Variants in AK5 observed in about 807,000 individuals in gnomAD.
AK5 encodes the protein adenylate kinase 5.
In AK5, 27 loss-of-function variants were observed where a neutral mutation model predicts 69.5. The ratio of observed to expected loss-of-function variants is 0.39; its 90% confidence interval spans 0.29 to 0.54. The LOEUF is 0.54. Ranked by LOEUF, AK5 falls within the 20% of genes least tolerant of loss-of-function variation. AK5 has a pLI of 0.71. For synonymous variants in AK5, 260 were observed against 244.4 expected, an observed-to-expected ratio of 1.06 and a Z score of -0.60; for missense variants, 531 against 700.4, an observed-to-expected ratio of 0.76 and a Z score of 2.73.
At chr1:77,506,683 C>T (rs1383113629) in intron 10 of AK5, among the ~76,000 whole-genome samples, 2 of 152,120 alleles carry the variant, frequency 1.3e-5, no homozygotes, top group East Asian at 1.9e-4. Flanking sequence ...TAGATGAAAT[C>T]ACATCCCTAA....
intron 7 of AK5, among the ~76,000 whole-genome samples, chr1:77,416,680 A>G (rs1198786930): frequency 1.3e-5 from 2 of 152,206 alleles, no homozygotes; most frequent in African/African-American, 2.4e-5. Flanking sequence ...GAAAGAAAAT[A>G]TGAAAGCAAC....
intron 13 of AK5, among the ~76,000 whole-genome samples, chr1:77,542,465 G>T (rs905047454): frequency 9.2e-5 from 14 of 152,178 alleles, no homozygotes; most frequent in Non-Finnish European, 1.9e-4. Context: ...TTTGAATTAG[G>T]ACCTGACTGA....
In AK5 at chr1:77,516,104, TA is replaced by T. The variant is rs898009866; in HGVS notation, c.1148-2453del. Among the ~76,000 whole-genome samples the T allele has an allele frequency of 9.5e-4, 145 of 151,852 alleles. 3 individuals carry two copies. The highest frequency in any genetic ancestry group is 9.5e-3 in the Admixed American group (144 of 15,236). On this transcript the variant is annotated intron_variant, in intron 10 of 13. Coordinates refer to ENST00000354567, the MANE Select transcript of AK5 (RefSeq NM_174858.3). Reference sequence around the variant, plus strand: ...AAGAAAGAAAGAAAAGATGAATGGGTAAAAAAATGTGCTAGAATATAGAATA... The same window carrying T: ...AAGAAAGAAAGAAAAGATGAATGGGTAAAAAATGTGCTAGAATATAGAATA...
At chr1:77,312,933 T>C (rs1660044659) in intron 5 of AK5, among the ~76,000 whole-genome samples, 1 of 152,088 alleles carries the variant, frequency 6.6e-6, no homozygotes, top group African/African-American at 2.4e-5. Context: ...TAAGAACCTA[T>C]GCAGACCTTC....
chr1:77,374,004 A>G (rs901965068), intron 6 of AK5, among the ~76,000 whole-genome samples: 1 of 152,208 alleles, frequency 6.6e-6, no homozygotes, highest in Non-Finnish European at 1.5e-5. Flanking sequence ...TTCAGCCCAT[A>G]AAATACATAT....
intron 6 of AK5, among the ~76,000 whole-genome samples, chr1:77,407,857 C>T (rs1413349172): frequency 6.6e-6 from 1 of 152,102 alleles, no homozygotes; most frequent in African/African-American, 2.4e-5. Flanking sequence ...TGTTTAGCTT[C>T]CACTTATAAG....
At chr1:77,472,493 ACCCATAC>A (rs1654575760) in intron 8 of AK5, among the ~76,000 whole-genome samples, 1 of 151,882 alleles carries the variant, frequency 6.6e-6, no homozygotes, top group Non-Finnish European at 1.5e-5. Context: ...TTGGTCACAG[ACCCATAC>A]CCATAATGCA....
At chr1:77,363,843 C>G (rs1395584943) in intron 6 of AK5, among the ~76,000 whole-genome samples, 1 of 152,196 alleles carries the variant, frequency 6.6e-6, no homozygotes, top group Non-Finnish European at 1.5e-5. Flanking sequence ...TAACCACACT[C>G]CTGATCCTTC....
intron 10 of AK5, among the ~76,000 whole-genome samples, chr1:77,509,894 T>C (rs1557644539): frequency 1.3e-5 from 2 of 152,200 alleles, no homozygotes; most frequent in Non-Finnish European, 2.9e-5. Context: ...ATGATGTTTA[T>C]TGTGTGTTTC....
At chr1:77,308,315 C>A (rs976093059) in intron 5 of AK5, among the ~76,000 whole-genome samples, 2 of 151,726 alleles carry the variant, frequency 1.3e-5, no homozygotes, top group African/African-American at 2.4e-5. Flanking sequence ...ACTTATCTGC[C>A]ATAGTAGCCA....
At chr1:77,465,957 A>G (rs917155196) in intron 8 of AK5, among the ~76,000 whole-genome samples, 9 of 152,162 alleles carry the variant, frequency 5.9e-5, no homozygotes, top group Non-Finnish European at 1.5e-5. Flanking sequence ...TGCTTTACAC[A>G]GAATCTAGAG....
intron 10 of AK5, among the ~76,000 whole-genome samples, chr1:77,493,730 A>G (rs1656135723): frequency 6.6e-6 from 1 of 152,288 alleles, no homozygotes; most frequent in South Asian, 2.1e-4. Context: ...CGACACCTGT[A>G]TTTTCAAAGT....
chr1:77,284,318 T>C (rs149208224), intron 1 of AK5, among the ~76,000 whole-genome samples: 4,715 of 152,250 alleles, frequency 0.031, 124 homozygotes, highest in Non-Finnish European at 0.038. Flanking sequence ...TAAAATGGAT[T>C]TTGCCCACCA....
chr1:77,311,689 G>A (rs942676270), intron 5 of AK5, among the ~76,000 whole-genome samples: 4 of 152,048 alleles, frequency 2.6e-5, no homozygotes, highest in African/African-American at 9.7e-5. Flanking sequence ...CCCTGATACT[G>A]AATCCATTAC....
At chr1:77,528,692 A>G (rs1225024398) in intron 12 of AK5, among the ~76,000 whole-genome samples, 2 of 152,200 alleles carry the variant, frequency 1.3e-5, no homozygotes, top group Non-Finnish European at 2.9e-5. Context: ...ATGTACATGT[A>G]TGTAATGCAT....
intron 8 of AK5, among the ~76,000 whole-genome samples, chr1:77,440,232 G>A (rs1652241618): frequency 6.6e-6 from 1 of 152,120 alleles, no homozygotes; most frequent in Non-Finnish European, 1.5e-5. Context: ...CATTTCTGAA[G>A]GGTAGTTTTG....
At chr1:77,297,463 GA>G in intron 3 of AK5, 95 bp from the exon 4 acceptor site, 3 of 1,179,482 alleles carry the variant, frequency 2.5e-6, no homozygotes, top group Non-Finnish European at 3.6e-6. Context: ...CTGTCTTGGT[GA>G]CACAGAATTT....
chr1:77,283,062 C>T, intron 1 of AK5: 3 of 985,548 alleles, frequency 3.0e-6, no homozygotes, highest in Non-Finnish European at 3.6e-6. Context: ...GAGGGAGCTG[C>T]GAGGGGGGCG....
intron 8 of AK5, among the ~76,000 whole-genome samples, chr1:77,476,769 A>G (rs971772757): frequency 3.9e-5 from 6 of 152,100 alleles, no homozygotes; most frequent in Non-Finnish European, 7.4e-5. Context: ...GGAAACATCA[A>G]ACTTGCCTAC....
Sources: gnomAD v4.1 joint callset for allele counts (sites outside exome capture counted in the v4.1 genomes callset) on GRCh38, gnomAD v4.1.1 for gene constraint, MANE v1.5 for transcripts, NCBI Gene and HGNC (gene_info 2026-07-23, HGNC 2026-07-21) for gene names.